Variants in CFAP52 observed in about 807,000 individuals in gnomAD.
The protein encoded by CFAP52 is cilia and flagella associated protein 52, also known as cilia- and flagella-associated protein 52.
In CFAP52, 57 loss-of-function variants were observed where a neutral mutation model predicts 70.5. The ratio of observed to expected loss-of-function variants is 0.81; its 90% confidence interval spans 0.65 to 1.01. CFAP52 has a LOEUF of 1.01. CFAP52 is among the 50% of genes least tolerant of loss of function. The pLI, the probability that CFAP52 is intolerant of heterozygous loss-of-function variation, is 0.00. For missense variants in CFAP52, 785 were observed against 788.5 expected (o/e 1.00, Z 0.05); for synonymous variants, 267 against 292.5 (o/e 0.91, Z 0.89).
chr17:9,609,550 G>T (rs1233740646), intron 7 of CFAP52, among the ~76,000 whole-genome samples: 1 of 151,958 alleles, frequency 6.6e-6, no homozygotes, highest in Non-Finnish European at 1.5e-5. Flanking sequence ...ACAAAAATTA[G>T]CCAGATGTGG....
At chr17:9,633,722 G>C (rs1458563640) in intron 10 of CFAP52, among the ~76,000 whole-genome samples, 1 of 149,868 alleles carries the variant, frequency 6.7e-6, no homozygotes, top group Non-Finnish European at 1.5e-5. Flanking sequence ...TGTCACCCAG[G>C]CTGGACTGCA....
intron 1 of CFAP52, among the ~76,000 whole-genome samples, chr17:9,583,527 T>C (rs1908315221): frequency 6.6e-6 from 1 of 152,066 alleles, no homozygotes; most frequent in Non-Finnish European, 1.5e-5. Context: ...GAGATCTTTA[T>C]GAAAAAAATG....
chr17:9,590,817 C>T (rs1908712762), intron 3 of CFAP52, among the ~76,000 whole-genome samples: 1 of 150,118 alleles, frequency 6.7e-6, no homozygotes, highest in African/African-American at 2.4e-5. Flanking sequence ...GGAAAACAAA[C>T]CTTGCTGTAC....
chr17:9,591,053 T>TG (rs1381638368), intron 3 of CFAP52, among the ~76,000 whole-genome samples: 33 of 148,686 alleles, frequency 2.2e-4, no homozygotes, highest in African/African-American at 8.0e-4. Context: ...TTTTTTTTTT[T>TG]TGAGATGGAG....
chr17:9,594,326 G>C lies in CFAP52; in HGVS notation c.536+5G>C, dbSNP rs1908903353. 1 of 1,610,162 alleles carries C rather than the reference G, an allele frequency of 6.2e-7. No homozygotes were observed. The highest frequency in any genetic ancestry group is 8.5e-7 in the Non-Finnish European group (1 of 1,178,478). On this transcript the variant is annotated splice_donor_5th_base_variant and intron_variant, in intron 4 of 13. Coordinates refer to ENST00000352665, the MANE Select transcript of CFAP52 (RefSeq NM_145054.5). Reference sequence around the variant, plus strand: ...GATGTTTATGACTGCTGGAAAGTATGTGTCTGCGTTCGGAGTTTTCAGAAC... The same window carrying C: ...GATGTTTATGACTGCTGGAAAGTATCTGTCTGCGTTCGGAGTTTTCAGAAC...
chr17:9,588,959 C>CT (rs1758636479), intron 3 of CFAP52, among the ~76,000 whole-genome samples: 4 of 151,934 alleles, frequency 2.6e-5, no homozygotes, highest in Non-Finnish European at 5.9e-5. Context: ...AAAAATTAGC[C>CT]AGGCATAGTG....
At position 9,617,012 on chromosome 17, in the gene CFAP52, G is replaced by T. The variant is rs920236133; in HGVS notation, c.1025+4533G>T. On this transcript the variant is annotated intron_variant, in intron 8 of 13. Coordinates refer to ENST00000352665, the MANE Select transcript of CFAP52 (RefSeq NM_145054.5). ...AAGCTGGATGGAGAATGATTTTGAC[G>T]AGCTGAGAGAAGAAGGCTTCAGACG... Among the ~76,000 whole-genome samples the T allele has an allele frequency of 4.5e-3, 387 of 85,724 alleles. 8 individuals are homozygous for T. Among genetic ancestry groups the T allele is most frequent in the Non-Finnish European group, 5.2e-3 (257 of 49,524 alleles). The allele number at this position is 85,724 out of a possible 152,430, so 56.2% of individuals were successfully genotyped here.
chr17:9,610,887 C>T (rs1480816544), intron 7 of CFAP52, among the ~76,000 whole-genome samples: 1 of 152,120 alleles, frequency 6.6e-6, no homozygotes, highest in East Asian at 1.9e-4. Flanking sequence ...CTGAAGTTCC[C>T]AGATGCCAAT....
chr17:9,645,398 G>A (rs1226330861), downstream of CFAP52: 4 of 275,322 alleles, frequency 1.5e-5, no homozygotes, highest in East Asian at 2.8e-4. This position sits in a 1 kb window ranked among gnomAD's most constrained non-coding sequence, Gnocchi z 6.8. Context: ...CAGCGGGGGC[G>A]GCACCAGGCA....
chr17:9,611,374 A>G (rs928137608), intron 7 of CFAP52, among the ~76,000 whole-genome samples: 1 of 151,718 alleles, frequency 6.6e-6, no homozygotes, highest in African/African-American at 2.4e-5. Flanking sequence ...TCTTTTTTTG[A>G]GACAGAGTCT....
At chr17:9,613,128 T>A (rs1909775858) in intron 8 of CFAP52, among the ~76,000 whole-genome samples, 1 of 151,922 alleles carries the variant, frequency 6.6e-6, no homozygotes, top group South Asian at 2.1e-4. Flanking sequence ...ACACGAAGTA[T>A]CTGTGGTACC....
chr17:9,616,032 C>T (rs1909896682), intron 8 of CFAP52, among the ~76,000 whole-genome samples: 1 of 151,318 alleles, frequency 6.6e-6, no homozygotes, highest in African/African-American at 2.4e-5. Flanking sequence ...CGGTCTACAG[C>T]TCCCAGCGTG....
chr17:9,624,823 C>T (rs1000836488), intron 8 of CFAP52, among the ~76,000 whole-genome samples: 2 of 152,132 alleles, frequency 1.3e-5, no homozygotes. Flanking sequence ...TGGACTCAAA[C>T]TGCAAATTTT....
At chr17:9,626,797 T>C (rs1174195600) in intron 8 of CFAP52, among the ~76,000 whole-genome samples, 1 of 152,252 alleles carries the variant, frequency 6.6e-6, no homozygotes, top group East Asian at 1.9e-4. Flanking sequence ...TCCATCATTA[T>C]AACTGTAACA....
At chr17:9,605,997 G>A (rs1372411335) in intron 6 of CFAP52, among the ~76,000 whole-genome samples, 1 of 152,018 alleles carries the variant, frequency 6.6e-6, no homozygotes, top group East Asian at 1.9e-4. Flanking sequence ...TTAACTGTGG[G>A]GGAAAGAAGT....
rs535181239 is a variant in CFAP52, at chr17:9,610,631, T to C, written c.855-1678T>C. ...CTCACTGCAACCTCCGCCTCCCGGG[T>C]TCAAGAGATTCTCCTGCCTCAGGCT... is the stretch of plus-strand genomic sequence containing the variant. On this transcript the variant is annotated intron_variant, in intron 7 of 13. Coordinates refer to ENST00000352665, the MANE Select transcript of CFAP52 (RefSeq NM_145054.5). 2.2e-3 allele frequency among the ~76,000 whole-genome samples: 340 copies of C among 151,812 alleles called. 1 individual carries two copies. The highest frequency in any genetic ancestry group is 3.7e-3 in the Admixed American group (56 of 15,220).
At chr17:9,633,602 G>GGTGTTTTGCCA (rs1910648194) in intron 10 of CFAP52, among the ~76,000 whole-genome samples, 1 of 152,106 alleles carries the variant, frequency 6.6e-6, no homozygotes. Context: ...AATTCATGCG[G>GGTGTTTTGCCA]GTGTTTTGCC....
At chr17:9,596,089 ATATATATATATATG>A (rs1449433150) in intron 4 of CFAP52, among the ~76,000 whole-genome samples, 3 of 139,636 alleles carry the variant, frequency 2.1e-5, no homozygotes, top group South Asian at 2.2e-4. Context: ...ATATATATAT[ATATATATATATATG>A]TACACATATA....
At chr17:9,622,852 C>T (rs80102768) in intron 8 of CFAP52, among the ~76,000 whole-genome samples, 1,704 of 152,270 alleles carry the variant, frequency 0.011, 37 homozygotes, top group African/African-American at 0.039. Context: ...CCTCACCCTC[C>T]TACTTACTAC....
Sources: allele counts gnomAD v4.1 joint callset (sites outside exome capture counted in the v4.1 genomes callset), GRCh38; gene constraint gnomAD v4.1.1; non-coding constraint Gnocchi (gnomAD v3.1); transcripts MANE v1.5; gene names NCBI Gene and HGNC (gene_info 2026-07-23, HGNC 2026-07-21).